Variants in PTPRK observed in about 807,000 individuals in gnomAD.
The protein encoded by PTPRK is receptor-type tyrosine-protein phosphatase kappa.
In PTPRK, 75 loss-of-function variants were observed where a neutral mutation model predicts 178.0. The ratio of observed to expected loss-of-function variants is 0.42; its 90% CI spans 0.35 to 0.51. PTPRK has a LOEUF of 0.51. Among genes scored for constraint, PTPRK ranks in the 20% least tolerant of loss-of-function variants. The probability of loss-of-function intolerance (pLI) is 0.02; values close to 1 mark genes in which losing one functional copy is unlikely to be tolerated. For synonymous variants in PTPRK, 637 were observed against 620.6 expected (o/e 1.03, Z -0.39); for missense variants, 1,441 against 1,797.8 (o/e 0.80, Z 3.59).
At position 127,991,291 on chromosome 6, in the gene PTPRK, T is replaced by A; in HGVS notation, c.2979+3A>T. On this transcript the variant is annotated splice_donor_region_variant and intron_variant, in intron 20 of 29. Transcript: ENST00000368226. ...ACAAAAAAATTCTTTTTCTTCCTCT[T>A]ACCCGGCCAACCTCAACTAAATTTG... 6.3e-7 allele frequency: 1 copy of A among 1,590,994 alleles called. No individual in the cohort carries two copies. The highest frequency in any genetic ancestry group is 8.5e-7 in the Non-Finnish European group (1 of 1,169,962).
rs78424883 is a variant in PTPRK at position 128,035,907 on chromosome 6, C to A, written c.2195-26639G>T. Among the ~76,000 whole-genome samples the A allele has an allele frequency of 1.3e-3, 202 of 152,270 alleles. 2 individuals carry two copies. The East Asian group carries it at 0.03, about 23-fold the overall frequency. ...TGGTGATTCTCAGAATAGTGGCAAA[C>A]ATCAGAGTATTCTTTCTGTCTTCTA... On this transcript the variant is annotated intron_variant, in intron 13 of 29. Coordinates refer to ENST00000368226, the MANE Select transcript of PTPRK (RefSeq NM_002844.4).
intron 3 of PTPRK, among the ~76,000 whole-genome samples, chr6:128,292,198 A>G (rs1438812421): frequency 2.6e-5 from 4 of 152,144 alleles, no homozygotes; most frequent in Non-Finnish European, 5.9e-5. Flanking sequence ...ATAGAAAAAT[A>G]AAACAAATAT....
chr6:128,375,094 T>TATTATC (rs1488507091), intron 2 of PTPRK, among the ~76,000 whole-genome samples: 3 of 147,596 alleles, frequency 2.0e-5, no homozygotes, highest in Non-Finnish European at 4.5e-5. Context: ...TTATTATTAT[T>TATTATC]ATTATTATTA....
chr6:128,498,680 T>C (rs1855093778), intron 1 of PTPRK, among the ~76,000 whole-genome samples: 2 of 152,318 alleles, frequency 1.3e-5, no homozygotes, highest in Admixed American at 6.5e-5. Flanking sequence ...AAAATATATA[T>C]TTTTATGATT....
At chr6:128,380,111 A>G (rs1192808582) in intron 2 of PTPRK, among the ~76,000 whole-genome samples, 3 of 152,228 alleles carry the variant, frequency 2.0e-5, no homozygotes, top group East Asian at 3.9e-4. Flanking sequence ...CTTTCATCTC[A>G]ATAGTATAGC....
At chr6:128,150,749 C>T (rs949647569) in intron 7 of PTPRK, among the ~76,000 whole-genome samples, 2 of 152,048 alleles carry the variant, frequency 1.3e-5, no homozygotes, top group African/African-American at 4.8e-5. Context: ...AAGGGCAACG[C>T]TATGAAAAAG....
chr6:128,283,285 G>A (rs55700986), intron 3 of PTPRK, among the ~76,000 whole-genome samples: 16,683 of 152,136 alleles, frequency 0.11, 1,307 homozygotes, highest in African/African-American at 0.22. Flanking sequence ...AAAAGCAGAA[G>A]CTCTGAAATA....
chr6:128,467,337 G>A (rs1342971873), intron 1 of PTPRK, among the ~76,000 whole-genome samples: 1 of 152,168 alleles, frequency 6.6e-6, no homozygotes, highest in Non-Finnish European at 1.5e-5. Context: ...TCAGTTTGAT[G>A]TTGAGAGGGT....
intron 3 of PTPRK, among the ~76,000 whole-genome samples, chr6:128,285,429 C>T (rs755739357): frequency 2.0e-5 from 3 of 151,272 alleles, no homozygotes; most frequent in Non-Finnish European, 4.4e-5. Context: ...ACAGAAGAAT[C>T]GCTTGAACCT....
chr6:128,134,921 G>A (rs1296442730), intron 7 of PTPRK, among the ~76,000 whole-genome samples: 1 of 152,082 alleles, frequency 6.6e-6, no homozygotes, highest in Non-Finnish European at 1.5e-5. Flanking sequence ...AAGAGAAAAA[G>A]ACAAAGGTCC....
At chr6:128,467,204 G>A (rs778799797) in intron 1 of PTPRK, among the ~76,000 whole-genome samples, 2 of 152,016 alleles carry the variant, frequency 1.3e-5, no homozygotes, top group Admixed American at 6.6e-5. Flanking sequence ...GTTTTGCCAC[G>A]TTGCCCAGGC....
intron 3 of PTPRK, among the ~76,000 whole-genome samples, chr6:128,285,088 T>C (rs751517858): frequency 2.1e-4 from 32 of 152,206 alleles, no homozygotes; most frequent in Non-Finnish European, 3.8e-4. Flanking sequence ...AGGAATACTG[T>C]TGTCTTCTTA....
chr6:128,477,616 G>C (rs1851532704), intron 1 of PTPRK, among the ~76,000 whole-genome samples: 1 of 152,126 alleles, frequency 6.6e-6, no homozygotes, highest in South Asian at 2.1e-4. Context: ...TAAATTTCAA[G>C]AATAACCACC....
chr6:127,979,850 G>T (rs1259790093), intron 25 of PTPRK, among the ~76,000 whole-genome samples: 1 of 152,206 alleles, frequency 6.6e-6, no homozygotes, highest in East Asian at 1.9e-4. Flanking sequence ...TGTTTAAAAA[G>T]ATTATAAACC....
At position 128,520,548 on chromosome 6, in the gene PTPRK, G is replaced by T; in HGVS notation, c.-190C>A. On this transcript the variant is annotated 5_prime_UTR_variant, in exon 1 of 30. Coordinates refer to ENST00000368226, the MANE Select transcript of PTPRK (RefSeq NM_002844.4). ...GGGCGAAAGCGTCGCCAGCGTCGCC[G>T]GCCGGCCGCGGCGGCAGCTCTCCAT... 1 of 579,174 alleles carries T rather than the reference G, an allele frequency of 1.7e-6. No individual in the cohort carries two copies. The highest frequency in any genetic ancestry group is 3.1e-6 in the Non-Finnish European group (1 of 321,286). 35.9% of individuals were successfully genotyped at this position (579,174 alleles called of 1,614,324 possible). A position where few individuals can be genotyped will look rare whatever the true frequency, so the allele number is the denominator to read the frequency against.
intron 1 of PTPRK, among the ~76,000 whole-genome samples, chr6:128,398,443 C>T (rs1404796322): frequency 6.6e-6 from 1 of 152,148 alleles, no homozygotes; most frequent in Non-Finnish European, 1.5e-5. Context: ...TTCCCTGCCT[C>T]CGGACCCTAT....
intron 1 of PTPRK, among the ~76,000 whole-genome samples, chr6:128,430,709 G>C (rs540894318): frequency 1.3e-5 from 2 of 152,130 alleles, no homozygotes; most frequent in East Asian, 3.9e-4. Context: ...ATATAAGCAG[G>C]AATTGGTCAT....
At chr6:128,030,485 G>A (rs1775125541) in intron 13 of PTPRK, among the ~76,000 whole-genome samples, 2 of 152,202 alleles carry the variant, frequency 1.3e-5, no homozygotes, top group Admixed American at 1.3e-4. Flanking sequence ...ATTATCTGTA[G>A]ACGGTCCTTA....
chr6:128,348,238 C>A (rs187183476), intron 2 of PTPRK, among the ~76,000 whole-genome samples: 1 of 151,610 alleles, frequency 6.6e-6, no homozygotes, highest in Middle Eastern at 3.2e-3. Context: ...TATGAAAGAA[C>A]GCAATATTAA....
Sources: gnomAD v4.1 joint callset for allele counts (sites outside exome capture counted in the v4.1 genomes callset) on GRCh38, gnomAD v4.1.1 for gene constraint, MANE v1.5 for transcripts, NCBI Gene and HGNC (gene_info 2026-07-23, HGNC 2026-07-21) for gene names.